The following COL24A1 variants were observed in gnomAD, a reference collection of about 807,000 sequenced individuals.
The protein encoded by COL24A1 is collagen alpha-1(XXIV) chain.
A neutral mutation model predicts 253.9 loss-of-function variants in COL24A1; 224 were observed. The observed-to-expected ratio is 0.88, with a 90% CI of 0.79 to 0.99. The LOEUF is 0.99. Ranked by LOEUF, COL24A1 falls within the 50% of genes least tolerant of loss-of-function variation. COL24A1 has a pLI of 0.00. For missense variants in COL24A1, 2,131 were observed against 2,068.5 expected, an observed-to-expected ratio of 1.03 and a Z score of -0.59; for synonymous variants, 685 against 673.7, an observed-to-expected ratio of 1.02 and a Z score of -0.26.
At chr1:86,153,766 T>C (rs12734965) in intron 1 of COL24A1, among the ~76,000 whole-genome samples, 230 of 152,352 alleles carry the variant, frequency 1.5e-3, no homozygotes, top group Non-Finnish European at 3.0e-3. Flanking sequence ...AAATAGATCT[T>C]TATATTCCAA....
At chr1:85,904,969 A>T (rs1305457282) in intron 28 of COL24A1, among the ~76,000 whole-genome samples, 2 of 152,114 alleles carry the variant, frequency 1.3e-5, no homozygotes, top group African/African-American at 2.4e-5. Context: ...AGAGAAGCAG[A>T]TAGTAAGCAG....
At chr1:86,077,806 G>A (rs994510539) in intron 7 of COL24A1, among the ~76,000 whole-genome samples, 15 of 151,242 alleles carry the variant, frequency 9.9e-5, no homozygotes, top group African/African-American at 3.4e-4. Context: ...CATGGACACA[G>A]GGAGGGGAAC....
intron 57 of COL24A1, among the ~76,000 whole-genome samples, chr1:85,739,016 T>C (rs1557941199): frequency 6.6e-6 from 1 of 152,142 alleles, no homozygotes; most frequent in Non-Finnish European, 1.5e-5. Context: ...GGGATCACAT[T>C]TGGAGAACCA....
chr1:86,096,859 T>C (rs577168798), intron 5 of COL24A1, among the ~76,000 whole-genome samples: 6 of 152,306 alleles, frequency 3.9e-5, no homozygotes, highest in African/African-American at 1.4e-4. Context: ...ATTCCCATTT[T>C]TATAGATGAT....
At chr1:85,982,000 A>T (rs150469663) in intron 20 of COL24A1, among the ~76,000 whole-genome samples, 1 of 152,176 alleles carries the variant, frequency 6.6e-6, no homozygotes, top group Non-Finnish European at 1.5e-5. Context: ...CACAATAGCC[A>T]AGAGGTGTCA....
At chr1:86,126,779 A>C (rs575063217) in intron 2 of COL24A1, among the ~76,000 whole-genome samples, 13 of 152,164 alleles carry the variant, frequency 8.5e-5, no homozygotes, top group African/African-American at 2.9e-4. Flanking sequence ...TAATTAGTTT[A>C]TCTCTCTTGT....
At chr1:85,918,631 A>G (rs1438963994) in intron 24 of COL24A1, among the ~76,000 whole-genome samples, 2 of 152,198 alleles carry the variant, frequency 1.3e-5, no homozygotes, top group African/African-American at 4.8e-5. Context: ...GAAACTGTGT[A>G]CACACTTGGA....
chr1:86,054,038 T>C (rs551219), intron 10 of COL24A1, among the ~76,000 whole-genome samples: 117,680 of 151,984 alleles, frequency 0.77, 46,643 homozygotes, highest in East Asian at 0.94. Context: ...AATAAATAAT[T>C]GGGAAAGAAT....
intron 2 of COL24A1, among the ~76,000 whole-genome samples, chr1:86,136,819 C>T (rs1387220025): frequency 1.3e-5 from 2 of 152,052 alleles, no homozygotes; most frequent in Non-Finnish European, 2.9e-5. Flanking sequence ...TAGATAGCCA[C>T]CAAAATTGGT....
intron 5 of COL24A1, among the ~76,000 whole-genome samples, chr1:86,105,446 C>G (rs1704881509): frequency 6.6e-6 from 1 of 152,162 alleles, no homozygotes; most frequent in Admixed American, 6.5e-5. Context: ...ATGATGCGGG[C>G]CCCCAGGGCC....
rs1651008998 is a variant in COL24A1, at chr1:86,141,126, GAAA to G, written c.121+4990_121+4992del. Among the ~76,000 whole-genome samples the G allele has an allele frequency of 7.2e-5, 11 of 152,196 alleles. No individual in the cohort carries two copies. The South Asian group carries it at 2.3e-3, about 32-fold the overall frequency. ...GACAAAATATATCAACAAATTTTTG[GAAA>G]ATGAAAAGCACACGAAGAAATTACC... On this transcript the variant is annotated intron_variant, in intron 2 of 59. Transcript: ENST00000370571.
chr1:85,884,544 A>C lies in COL24A1; in HGVS notation c.2976+5016T>G, dbSNP rs181016821. On this transcript the variant is annotated intron_variant, in intron 32 of 59. Coordinates refer to ENST00000370571, the MANE Select transcript of COL24A1 (RefSeq NM_152890.7). ...GGTATGAGTGTAGGAAGGGCATTCT[A>C]TAGTTCTACAATTAGGTCTCAGTCT... Among the ~76,000 whole-genome samples, 177 of 152,258 alleles carry C rather than the reference A, an allele frequency of 1.2e-3. 1 individual carries two copies. The highest frequency in any genetic ancestry group is 4.0e-3 in the African/African-American group (167 of 41,546).
At chr1:86,144,136 T>C (rs1651538500) in intron 2 of COL24A1, among the ~76,000 whole-genome samples, 1 of 152,046 alleles carries the variant, frequency 6.6e-6, no homozygotes, top group South Asian at 2.1e-4. Context: ...CTTTTCTTTT[T>C]GTTAAGAACT....
At position 85,783,365 on chromosome 1, in the gene COL24A1, C is replaced by G. The variant is rs191718251; in HGVS notation, c.4284+131G>C. The G allele has an allele frequency of 1.8e-3, 1,223 of 684,154 alleles. 4 individuals are homozygous for G. The highest frequency in any genetic ancestry group is 3.9e-3 in the Admixed American group (142 of 36,582). The allele number at this position is 684,154 out of a possible 1,614,324, so 42.4% of individuals were successfully genotyped here. ...GCAAAAGATTGAATTCTGCATGTGC[C>G]CTTATGAGTTTCTACCTTAAAAGTC... On this transcript the variant is annotated intron_variant, in intron 51 of 59. Transcript: ENST00000370571.
chr1:85,788,775 A>G (rs1323890355), intron 47 of COL24A1, among the ~76,000 whole-genome samples: 4 of 152,210 alleles, frequency 2.6e-5, no homozygotes, highest in Non-Finnish European at 5.9e-5. Flanking sequence ...AATTTTCTGC[A>G]TATGGCTAGC....
chr1:85,745,347 T>G, intron 56 of COL24A1, 94 bp downstream of exon 56: 5 of 674,516 alleles, frequency 7.4e-6, no homozygotes, highest in South Asian at 2.5e-5. Flanking sequence ...ATACAATCTT[T>G]GAGATAATGT....
intron 3 of COL24A1, among the ~76,000 whole-genome samples, chr1:86,124,202 A>T (rs942180341): frequency 8.8e-6 from 1 of 113,638 alleles, no homozygotes; most frequent in African/African-American, 3.2e-5. Context: ...TGTTTACATG[A>T]TATTAAACAA....
chr1:85,895,660 C>T (rs983022882), intron 31 of COL24A1, among the ~76,000 whole-genome samples, 198 bp downstream of exon 31: 8 of 151,984 alleles, frequency 5.3e-5, no homozygotes, highest in African/African-American at 1.9e-4. Context: ...GAATACTAAA[C>T]AATAGTTGTA....
At chr1:85,830,275 C>A (rs903918531) in intron 43 of COL24A1, among the ~76,000 whole-genome samples, 1 of 152,122 alleles carries the variant, frequency 6.6e-6, no homozygotes, top group African/African-American at 2.4e-5. Flanking sequence ...AGGCAGTCTG[C>A]CCGTTCTCAG....
Sources: allele counts gnomAD v4.1 joint callset (sites outside exome capture counted in the v4.1 genomes callset), GRCh38; gene constraint gnomAD v4.1.1; transcripts MANE v1.5; gene names NCBI Gene and HGNC (gene_info 2026-07-23, HGNC 2026-07-21).